Variants in TCF7L2 observed in about 807,000 individuals in gnomAD.
The protein encoded by TCF7L2 is transcription factor 7 like 2.
A neutral mutation model predicts 77.9 loss-of-function variants in TCF7L2; 23 were observed. The ratio of observed to expected loss-of-function variants is 0.30; its 90% CI spans 0.21 to 0.42. The LOEUF is 0.42. Ranked by LOEUF, TCF7L2 falls within the 10% of genes least tolerant of loss-of-function variation. The pLI, the probability that TCF7L2 is intolerant of heterozygous loss-of-function variation, is 1.00. For missense variants in TCF7L2, 654 were observed against 793.1 expected (o/e 0.82, Z 2.11); for synonymous variants, 413 against 340.2 (o/e 1.21, Z -2.36).
At chr10:113,046,541 CT>C (rs1019285130) in intron 5 of TCF7L2, among the ~76,000 whole-genome samples, 16 of 152,174 alleles carry the variant, frequency 1.1e-4, no homozygotes, top group African/African-American at 3.9e-4. Context: ...AATGCCTCAC[CT>C]TACATGTCTT....
chr10:113,109,463 C>G (rs1317730420), intron 5 of TCF7L2, among the ~76,000 whole-genome samples: 1 of 152,186 alleles, frequency 6.6e-6, no homozygotes, highest in East Asian at 1.9e-4. Flanking sequence ...GCAATCAAGG[C>G]TCACAGCAAC....
chr10:112,987,197 AAGAGCTTGACTGT>A (rs1256585906), intron 4 of TCF7L2, among the ~76,000 whole-genome samples: 2 of 152,170 alleles, frequency 1.3e-5, no homozygotes, highest in African/African-American at 2.4e-5. Flanking sequence ...GGAGGTAGTT[AAGAGCTTGACTGT>A]AGAGTTAGAC....
intron 5 of TCF7L2, among the ~76,000 whole-genome samples, chr10:113,096,545 A>C (rs1357759334): frequency 6.6e-6 from 1 of 152,040 alleles, no homozygotes; most frequent in Non-Finnish European, 1.5e-5. Flanking sequence ...AGGCCATTTC[A>C]AACCGGTTTG....
intron 5 of TCF7L2, among the ~76,000 whole-genome samples, chr10:113,117,056 T>C (rs948368194): frequency 5.3e-5 from 8 of 152,324 alleles, no homozygotes; most frequent in East Asian, 1.9e-4. Context: ...TGTCGGGGCA[T>C]TATTTAATGG....
intron 5 of TCF7L2, among the ~76,000 whole-genome samples, chr10:113,108,640 TGGCA>T (rs922920499): frequency 9.2e-5 from 14 of 152,188 alleles, no homozygotes; most frequent in Non-Finnish European, 2.1e-4. Context: ...CAGCCTAGGC[TGGCA>T]GCACCGCGGG....
At chr10:112,954,127 A>G (rs568177654) in intron 3 of TCF7L2, among the ~76,000 whole-genome samples, 1 of 152,218 alleles carries the variant, frequency 6.6e-6, no homozygotes, top group Non-Finnish European at 1.5e-5. Flanking sequence ...GGAATGGAGG[A>G]ATGCATAGGC....
At chr10:113,049,337 G>A (rs928930581) in intron 5 of TCF7L2, among the ~76,000 whole-genome samples, 1 of 151,990 alleles carries the variant, frequency 6.6e-6, no homozygotes, top group Admixed American at 6.6e-5. Flanking sequence ...CAACATCTCA[G>A]TAAAGCTCAA....
chr10:113,126,963 T>G (rs1647531681), intron 5 of TCF7L2: 10 of 974,552 alleles, frequency 1.0e-5, no homozygotes, highest in Non-Finnish European at 1.1e-5. Context: ...CCCTGCTGCG[T>G]CCACGGCTGT....
At chr10:112,964,816 G>GAT (rs1331506565) in intron 4 of TCF7L2, among the ~76,000 whole-genome samples, 192 bp downstream of exon 4, 1 of 148,174 alleles carries the variant, frequency 6.7e-6, no homozygotes, top group African/African-American at 2.5e-5. Context: ...TGGTGGTGGG[G>GAT]GGGGGTTGAA....
intron 4 of TCF7L2, among the ~76,000 whole-genome samples, chr10:112,986,590 G>A (rs1463216390): frequency 6.6e-6 from 1 of 152,164 alleles, no homozygotes; most frequent in African/African-American, 2.4e-5. Context: ...TCTTTTGAAA[G>A]TAAAGCTATA....
chr10:113,003,293 C>T (rs879379045), intron 4 of TCF7L2, among the ~76,000 whole-genome samples: 1 of 152,274 alleles, frequency 6.6e-6, no homozygotes, highest in East Asian at 1.9e-4. Flanking sequence ...CTTTTTGATG[C>T]CTTCTCTTTG....
intron 5 of TCF7L2, among the ~76,000 whole-genome samples, chr10:113,070,182 T>C (rs7895384): frequency 0.99 from 149,849 of 150,748 alleles, 74,482 homozygotes; most frequent in East Asian, 1. Flanking sequence ...CTTGAACCAG[T>C]GAGTCGGAGG....
chr10:113,060,678 A>G (rs1307435695), intron 5 of TCF7L2, among the ~76,000 whole-genome samples: 1 of 152,040 alleles, frequency 6.6e-6, no homozygotes, highest in Admixed American at 6.6e-5. Context: ...TACCGAAAAG[A>G]GCAGGTTTTT....
intron 4 of TCF7L2, among the ~76,000 whole-genome samples, chr10:113,023,676 A>AT (rs997542980): frequency 1.0e-3 from 151 of 146,008 alleles, no homozygotes; most frequent in African/African-American, 3.6e-3. Context: ...TTATTTTTTA[A>AT]TTTTTTTTTT....
chr10:113,035,168 G>A (rs954911900), intron 4 of TCF7L2, among the ~76,000 whole-genome samples: 1 of 152,174 alleles, frequency 6.6e-6, no homozygotes, highest in Non-Finnish European at 1.5e-5. Context: ...TGTGATGGGG[G>A]CCTCAGCCAA....
At chr10:112,968,619 C>T (rs1427232394) in intron 4 of TCF7L2, among the ~76,000 whole-genome samples, 2 of 152,086 alleles carry the variant, frequency 1.3e-5, no homozygotes, top group Non-Finnish European at 2.9e-5. Flanking sequence ...CATTCTGTCG[C>T]CCAGGCTGGA....
At chr10:112,951,751 G>C (rs1485577642) in intron 3 of TCF7L2, 144 bp downstream of exon 3, 2 of 278,734 alleles carry the variant, frequency 7.2e-6, no homozygotes, top group Admixed American at 1.3e-4. Context: ...CCCGCTCGTG[G>C]CCCAGGAGGC....
At chr10:113,015,337 A>G (rs1047979925) in intron 4 of TCF7L2, among the ~76,000 whole-genome samples, 2 of 151,842 alleles carry the variant, frequency 1.3e-5, no homozygotes, top group Non-Finnish European at 2.9e-5. Flanking sequence ...AGCACAAAGT[A>G]TTATTATTTA....
rs141853929 is a variant in TCF7L2, at chr10:113,009,045, C to T, written c.451-30980C>T. 1.9e-3 allele frequency among the ~76,000 whole-genome samples: 291 copies of T among 152,280 alleles called. 1 individual carries two copies. Among genetic ancestry groups the T allele is most frequent in the Middle Eastern group, 0.01 (3 of 294 alleles). On this transcript the variant is annotated intron_variant, in intron 4 of 13. Transcript: ENST00000627217. ...TTGCGTTCTGGGTTCAAGCGATCCT[C>T]CCATCTCAGACTCCCAAGTAGCTGG...
Sources: allele counts gnomAD v4.1 joint callset (sites outside exome capture counted in the v4.1 genomes callset), GRCh38; gene constraint gnomAD v4.1.1; transcripts MANE v1.5; gene names NCBI Gene and HGNC (gene_info 2026-07-23, HGNC 2026-07-21).